Variants in BICDL1 observed in about 807,000 individuals in gnomAD.
BICDL1 encodes the protein BICD family-like cargo adapter 1.
A neutral mutation model predicts 76.8 loss-of-function variants in BICDL1; 20 were observed. The ratio of observed to expected loss-of-function variants is 0.26; its 90% CI spans 0.18 to 0.38. BICDL1 has a LOEUF of 0.38. Among genes scored for constraint, BICDL1 ranks in the 10% least tolerant of loss-of-function variants. The pLI is 1.00. For missense variants in BICDL1, 700 were observed against 798.6 expected (o/e 0.88, Z 1.49); for synonymous variants, 383 against 337.1 (o/e 1.14, Z -1.49).
Position 120,079,658 on chromosome 12 carries a change from T to C in BICDL1, c.1453-1229T>C, listed in dbSNP as rs189416161. ...TGAAAGCTCTACCAGGCAGGGTTTCTGGTTGCAAACAGCAAAACATGTACT... is the reference window on the plus strand; with the variant it reads ...TGAAAGCTCTACCAGGCAGGGTTTCCGGTTGCAAACAGCAAAACATGTACT... On this transcript the variant is annotated intron_variant, in intron 7 of 9. Coordinates refer to ENST00000548673, the MANE Select transcript of BICDL1 (RefSeq NM_001367886.1). The surrounding 1 kb of genome is among the most constrained non-coding windows in gnomAD (Gnocchi z 4.3). Among the ~76,000 whole-genome samples the C allele has an allele frequency of 3.6e-3, 543 of 152,362 alleles. 3 individuals carry two copies. The highest frequency in any genetic ancestry group is 0.018 in the South Asian group (87 of 4,832).
chr12:120,064,791 A>G lies in BICDL1; in HGVS notation c.821A>G (p.Glu274Gly). The G allele has an allele frequency of 6.2e-7, 1 of 1,613,898 alleles. No individual in the cohort carries two copies. The highest frequency in any genetic ancestry group is 8.5e-7 in the Non-Finnish European group (1 of 1,179,908). Residue 274 changes from glutamate (E) to glycine (G), a missense_variant, in exon 4 of 10, where the codon GAG becomes GGG. By Grantham distance (98) the Glu-to-Gly change is moderately conservative (BLOSUM62 -2). Around this residue, in one of 3 missense-constraint regions of BICDL1, gnomAD observed 455 missense variants for 548.7 expected, o/e 0.83. Coordinates refer to ENST00000548673, the MANE Select transcript of BICDL1 (RefSeq NM_001367886.1). ...GAGCATCGTCTCAGCGCTACTTTAG[A>G]GGAAAATGACCTGCTCCAAGGGACC... ...ELEHRLSATL[E>G]ENDLLQGTVE...
intron 1 of BICDL1, among the ~76,000 whole-genome samples, chr12:119,997,994 A>G (rs955431861): frequency 2.6e-5 from 4 of 152,116 alleles, no homozygotes; most frequent in Non-Finnish European, 5.9e-5. Flanking sequence ...CATTCCTGTA[A>G]TTCCAGCTGC....
chr12:120,059,006 T>A (rs148237188), intron 2 of BICDL1, among the ~76,000 whole-genome samples: 173 of 152,288 alleles, frequency 1.1e-3, no homozygotes, highest in African/African-American at 4.1e-3. Context: ...AATAGAAATA[T>A]GAAAAATTAT....
intron 9 of BICDL1, chr12:120,091,539 C>T: frequency 3.0e-6 from 3 of 985,588 alleles, no homozygotes; most frequent in Non-Finnish European, 3.6e-6. Flanking sequence ...TTGGCAAATA[C>T]CTGGCACAGT....
chr12:120,086,630 A>T (rs959603226), intron 8 of BICDL1, among the ~76,000 whole-genome samples: 3 of 152,166 alleles, frequency 2.0e-5, no homozygotes, highest in Non-Finnish European at 2.9e-5. Context: ...ACAATAAATG[A>T]GTTTCAGGAA....
In BICDL1 at chr12:120,071,569, T is replaced by C; in HGVS notation, c.910-53T>C. On this transcript the variant is annotated intron_variant, in intron 4 of 9. Coordinates refer to ENST00000548673, the MANE Select transcript of BICDL1 (RefSeq NM_001367886.1). This position sits in a 1 kb window ranked among gnomAD's most constrained non-coding sequence, Gnocchi z 4.8. ...AGCATGATCAGGTTGAGGGTCAGTT[T>C]GTCTTGGTTTTTGTGTTTGGTAAAC... The C allele has an allele frequency of 6.5e-7, 1 of 1,538,946 alleles. No homozygotes were observed. The highest frequency in any genetic ancestry group is 1.3e-5 in the South Asian group (1 of 78,844).
intron 2 of BICDL1, among the ~76,000 whole-genome samples, chr12:120,024,112 T>G (rs1437004032): frequency 1.3e-5 from 2 of 152,036 alleles, no homozygotes; most frequent in Non-Finnish European, 2.9e-5. Flanking sequence ...AAACCCTGTC[T>G]CTACTTAAAA....
intron 2 of BICDL1, among the ~76,000 whole-genome samples, chr12:120,054,128 A>G (rs1041728636): frequency 1.3e-5 from 2 of 149,950 alleles, no homozygotes; most frequent in Non-Finnish European, 3.0e-5. Context: ...GCTGGAGTGC[A>G]GTTGTGTGAT....
chr12:120,067,791 G>T (rs1953252644), intron 4 of BICDL1, among the ~76,000 whole-genome samples: 1 of 152,220 alleles, frequency 6.6e-6, no homozygotes, highest in Non-Finnish European at 1.5e-5. Flanking sequence ...GAAGCATTTT[G>T]CCAGTTTAAT....
At chr12:120,057,857 G>C (rs1183299212) in intron 2 of BICDL1, among the ~76,000 whole-genome samples, 1 of 122,968 alleles carries the variant, frequency 8.1e-6, no homozygotes, top group Non-Finnish European at 1.6e-5. Context: ...TTGAGACGGA[G>C]TCTTGCTGTG....
At chr12:120,049,689 A>ACT (rs1181088368) in intron 2 of BICDL1, among the ~76,000 whole-genome samples, 4 of 151,818 alleles carry the variant, frequency 2.6e-5, no homozygotes, top group Non-Finnish European at 4.4e-5. Flanking sequence ...GGTCCCATTC[A>ACT]CTCTGTCCTT....
At chr12:120,031,928 A>G (rs1952432045) in intron 2 of BICDL1, among the ~76,000 whole-genome samples, 1 of 151,976 alleles carries the variant, frequency 6.6e-6, no homozygotes, top group Non-Finnish European at 1.5e-5. Context: ...CTGTCTCTAC[A>G]AATAAAAAAA....
rs78958316 is a variant in BICDL1, at chr12:120,087,591, C to T, written c.1584-2360C>T. 3.0e-4 allele frequency among the ~76,000 whole-genome samples: 46 copies of T among 152,318 alleles called. 1 individual carries two copies. The East Asian group carries it at 8.9e-3, about 29-fold the overall frequency. On this transcript the variant is annotated intron_variant, in intron 8 of 9. Transcript: ENST00000548673. ...TTAGTCGCTGGCCCTGTACAAGGAG[C>T]ATGCTTTTGTTAGCTTTGCTGTTTT...
chr12:120,047,929 A>G (rs953906923), intron 2 of BICDL1, among the ~76,000 whole-genome samples: 2 of 152,196 alleles, frequency 1.3e-5, no homozygotes, highest in African/African-American at 2.4e-5. Context: ...TATAGTTTAT[A>G]TCTCTCATAG....
At chr12:119,996,053 C>A (rs1461009860) in intron 1 of BICDL1, among the ~76,000 whole-genome samples, 3 of 151,884 alleles carry the variant, frequency 2.0e-5, no homozygotes, top group Middle Eastern at 3.2e-3. Context: ...GCAAAAAATT[C>A]TCATACTGAT....
chr12:120,086,021 A>G (rs1874387148), intron 8 of BICDL1, among the ~76,000 whole-genome samples: 1 of 151,494 alleles, frequency 6.6e-6, no homozygotes, highest in Admixed American at 6.6e-5. Context: ...AAAAAAAAGT[A>G]AAACCTAGCT....
intron 7 of BICDL1, among the ~76,000 whole-genome samples, chr12:120,077,291 T>C (rs1184186457): frequency 2.0e-5 from 3 of 152,224 alleles, no homozygotes; most frequent in Non-Finnish European, 2.9e-5. Flanking sequence ...GCACCTGTTA[T>C]TGTGCTTAAG....
At chr12:119,997,018 G>A (rs988563143) in intron 1 of BICDL1, among the ~76,000 whole-genome samples, 4 of 150,522 alleles carry the variant, frequency 2.7e-5, no homozygotes, top group South Asian at 4.2e-4. Context: ...GCGCGATCTC[G>A]GCTCACTGCA....
In BICDL1 at chr12:120,093,290, C is replaced by G; in HGVS notation, c.*129C>G. 1.8e-6 allele frequency: 2 copies of G among 1,091,182 alleles called. No individual in the cohort carries two copies. Among genetic ancestry groups the G allele is most frequent in the Non-Finnish European group, 2.6e-6 (2 of 760,976 alleles). The allele number at this position is 1,091,182 out of a possible 1,614,324, so 67.6% of individuals were successfully genotyped here. ...CCCTCATGCTAGGGCCCCATGGGTC[C>G]GGGAGGGCCTGCTCCCTTTCGTCGG... On this transcript the variant is annotated 3_prime_UTR_variant, in exon 10 of 10. Coordinates refer to ENST00000548673, the MANE Select transcript of BICDL1 (RefSeq NM_001367886.1).
Sources: gnomAD v4.1 joint callset for allele counts (sites outside exome capture counted in the v4.1 genomes callset) on GRCh38, gnomAD v4.1.1 for gene constraint, gnomAD v4.1.1 regional missense constraint, Gnocchi (gnomAD v3.1) non-coding constraint, MANE v1.5 for transcripts, NCBI Gene and HGNC (gene_info 2026-07-23, HGNC 2026-07-21) for gene names.